Variants in PLEKHG1 observed in about 807,000 individuals in gnomAD.
PLEKHG1 encodes the protein pleckstrin homology domain-containing family G member 1.
Under a neutral mutation model 100.8 loss-of-function variants are expected in PLEKHG1, and 44 were observed. The observed-to-expected ratio is 0.44, with a 90% confidence interval of 0.34 to 0.56. The LOEUF is 0.56. Among genes scored for constraint, PLEKHG1 ranks in the 20% least tolerant of loss-of-function variants. PLEKHG1 has a pLI of 0.01. For synonymous variants in PLEKHG1, 640 were observed against 662.5 expected (o/e 0.97, Z 0.52); for missense variants, 1,545 against 1,720.9 (o/e 0.90, Z 1.81).
chr6:150,725,580 C>T lies in PLEKHG1; in HGVS notation c.-99+4380C>T, dbSNP rs138670082. ...TGCATGGTTTGCAAATATTTTCTCC[C>T]ATTCTGTAGGTTATCTCCTTGCTCA... On this transcript the variant is annotated intron_variant, in intron 1 of 15. Transcript: ENST00000358517. Among the ~76,000 whole-genome samples, 651 of 152,230 alleles carry T rather than the reference C, an allele frequency of 4.3e-3. 3 individuals carry two copies. Among genetic ancestry groups the T allele is most frequent in the African/African-American group, 0.015 (616 of 41,538 alleles).
upstream of PLEKHG1, among the ~76,000 whole-genome samples, chr6:150,716,717 G>A (rs183759050): frequency 6.6e-6 from 1 of 152,338 alleles, no homozygotes; most frequent in African/African-American, 2.4e-5. Context: ...TGGAAGGATG[G>A]TGAAGCTAAT....
rs535093252 is a variant in PLEKHG1 at position 150,664,412 on chromosome 6, G to A, written c.-99+13626G>A. The A allele has an allele frequency of 2.0e-5, 3 of 152,340 alleles. No homozygotes were observed. In the South Asian group the frequency reaches 6.2e-4, roughly 32 times the overall value. The allele number at this position is 152,340 out of a possible 1,614,324, so 9.4% of individuals were successfully genotyped here. On this transcript the variant is annotated intron_variant, in intron 3 of 3. Coordinates refer to the PLEKHG1 transcript ENST00000367326. ...GACTATGTGTAGAAGAAACAAGGAA[G>A]TGGTTACCTTGGGGAGAAGTAGAGA...
chr6:150,640,184 G>A (rs931069721), intron 2 of PLEKHG1, among the ~76,000 whole-genome samples: 1 of 152,254 alleles, frequency 6.6e-6, no homozygotes, highest in African/African-American at 2.4e-5. Context: ...TGTTGATGGT[G>A]CAGAATGTGA....
chr6:150,612,913 G>A (rs1023907082), intron 1 of PLEKHG1, among the ~76,000 whole-genome samples: 16 of 152,090 alleles, frequency 1.1e-4, no homozygotes, highest in Admixed American at 3.9e-4. Context: ...CTTAGACCTC[G>A]CCTTCTACCA....
intron 7 of PLEKHG1, 133 bp from the exon 9 acceptor site, chr6:150,808,972 A>G (rs1233490233): frequency 2.0e-5 from 13 of 655,124 alleles, no homozygotes; most frequent in Non-Finnish European, 3.2e-5. Flanking sequence ...ATAGACCATC[A>G]GATACCACGT....
chr6:150,835,493 C>A (rs1777177827), intron 15 of PLEKHG1, among the ~76,000 whole-genome samples: 1 of 152,088 alleles, frequency 6.6e-6, no homozygotes, highest in African/African-American at 2.4e-5. Context: ...TGTCTGAGAT[C>A]ATAAGAACTC....
At chr6:150,718,089 T>C (rs1433428751), upstream of PLEKHG1, among the ~76,000 whole-genome samples, 1 of 152,002 alleles carries the variant, frequency 6.6e-6, no homozygotes, top group African/African-American at 2.4e-5. Context: ...AAAAATAAAT[T>C]AATTAGATAA....
At chr6:150,649,875 G>A (rs1778648467) in intron 2 of PLEKHG1, among the ~76,000 whole-genome samples, 1 of 152,176 alleles carries the variant, frequency 6.6e-6, no homozygotes, top group Non-Finnish European at 1.5e-5. Flanking sequence ...AGCCGGGCGT[G>A]GCGGCGTGTG....
At chr6:150,792,693 A>AACAAC (rs35439832) in intron 4 of PLEKHG1, among the ~76,000 whole-genome samples, 16 of 151,790 alleles carry the variant, frequency 1.1e-4, no homozygotes, top group Non-Finnish European at 2.4e-4. Context: ...ACAACAACAA[A>AACAAC]AAAAAACCAC....
rs577541085 is a variant in PLEKHG1, at chr6:150,794,309, T to G, written c.583-1547T>G. Among the ~76,000 whole-genome samples, 9 of 152,268 alleles carry G rather than the reference T, an allele frequency of 5.9e-5. No homozygotes were observed. In the East Asian group the frequency reaches 1.7e-3, roughly 29 times the overall value. On this transcript the variant is annotated intron_variant, in intron 4 of 15. Coordinates refer to ENST00000358517, the Ensembl canonical transcript of PLEKHG1. ...AAAGAAAAAAAGGAAATATGAATAG[T>G]GACTGGTGAAACTTCATGATGTTAT...
intron 2 of PLEKHG1, among the ~76,000 whole-genome samples, chr6:150,646,482 G>T (rs1778504999): frequency 6.6e-6 from 1 of 152,128 alleles, no homozygotes; most frequent in Admixed American, 6.5e-5. Context: ...AATGCCAGAA[G>T]GAGGGTAGAT....
At chr6:150,770,019 A>G (rs1270086520) in intron 3 of PLEKHG1, among the ~76,000 whole-genome samples, 1 of 152,162 alleles carries the variant, frequency 6.6e-6, no homozygotes, top group Non-Finnish European at 1.5e-5. Flanking sequence ...ACTTGTATTG[A>G]AGGAAAGAAT....
chr6:150,832,680 A>C, intron 15 of PLEKHG1, among the ~76,000 whole-genome samples: 1 of 71,442 alleles, frequency 1.4e-5, no homozygotes, highest in Admixed American at 2.5e-4. Context: ...TTTTTTGCAT[A>C]CTTTTTTTTT....
chr6:150,695,711 A>AT (rs1780516941), intron 3 of PLEKHG1, among the ~76,000 whole-genome samples: 1 of 152,224 alleles, frequency 6.6e-6, no homozygotes, highest in South Asian at 2.1e-4. Flanking sequence ...AAAAGTCAAA[A>AT]GAAAAACAAA....
At chr6:150,830,653 T>C (rs778403358) in exon 15 of PLEKHG1, 1 of 1,613,896 alleles carries the variant, frequency 6.2e-7, no homozygotes, top group South Asian at 1.1e-5. Flanking sequence ...ATAGTCAGCC[T>C]AGCAGTTCTA....
In PLEKHG1 at chr6:150,620,397, T is replaced by G. The variant is rs372040932; in HGVS notation, c.-203-17683T>G. ...CAGGCTGTGCCCAGGCCAGACCTAGTGGGTCTTGATCAGGGAAGAGATTGC... is the reference window on the plus strand; with the variant it reads ...CAGGCTGTGCCCAGGCCAGACCTAGGGGGTCTTGATCAGGGAAGAGATTGC... On this transcript the variant is annotated intron_variant, in intron 1 of 3. Coordinates refer to the PLEKHG1 transcript ENST00000367326. Among the ~76,000 whole-genome samples the G allele has an allele frequency of 2.3e-4, 35 of 152,326 alleles. No homozygotes were observed. In the South Asian group the frequency reaches 7.3e-3, roughly 32 times the overall value.
At chr6:150,676,592 C>T (rs1279163572) in intron 3 of PLEKHG1, among the ~76,000 whole-genome samples, 1 of 152,098 alleles carries the variant, frequency 6.6e-6, no homozygotes, top group African/African-American at 2.4e-5. Flanking sequence ...TGTCATGAGA[C>T]AAGAACTTAT....
chr6:150,840,058 C>A lies in PLEKHG1; in HGVS notation c.3320C>A (p.Ser1107Ter). 1 of 1,614,100 alleles carries A rather than the reference C, an allele frequency of 6.2e-7. No homozygotes were observed. The highest frequency in any genetic ancestry group is 8.5e-7 in the Non-Finnish European group (1 of 1,179,992). Residue 1107 changes from serine (S) to a stop codon, truncating the protein, a stop_gained, in exon 16 of 16, where the codon TCA becomes TAA. Coordinates refer to ENST00000358517, the Ensembl canonical transcript of PLEKHG1. LOFTEE classifies it low-confidence loss of function (END_TRUNC). Reference sequence around the variant, plus strand: ...CTCCCACCAGAGCAAGACTTGAGGTCAAGATATCCCACGTTTGAGATCAAT... The same window carrying A: ...CTCCCACCAGAGCAAGACTTGAGGTAAAGATATCCCACGTTTGAGATCAAT...
intron 1 of PLEKHG1, among the ~76,000 whole-genome samples, chr6:150,725,078 T>C (rs1048578787): frequency 1.3e-5 from 2 of 152,174 alleles, no homozygotes; most frequent in African/African-American, 4.8e-5. Context: ...GGAACAGAAA[T>C]TGATTGCTCA....
Sources: allele counts gnomAD v4.1 joint callset (sites outside exome capture counted in the v4.1 genomes callset), GRCh38; gene constraint gnomAD v4.1.1; transcripts MANE v1.5; gene names NCBI Gene and HGNC (gene_info 2026-07-23, HGNC 2026-07-21).